Variants in AATK observed in about 807,000 individuals in gnomAD.
AATK encodes lemur tail kinase 1.
A neutral mutation model predicts 114.3 loss-of-function variants in AATK; 91 were observed. That is an observed-to-expected ratio of 0.80 (90% CI 0.67 to 0.95). The LOEUF (loss-of-function observed/expected upper bound fraction) is 0.95. AATK is among the 40% of genes least tolerant of loss of function. The pLI is 0.00. For missense variants in AATK, 2,176 were observed against 1,965.2 expected (o/e 1.11, Z -2.03); for synonymous variants, 1,075 against 916.5 (o/e 1.17, Z -3.12).
chr17:81,138,575 C>G (rs937240003), intron 1 of AATK, among the ~76,000 whole-genome samples: 5 of 149,928 alleles, frequency 3.3e-5, no homozygotes, highest in African/African-American at 1.2e-4. Flanking sequence ...CCCCCACACG[C>G]ACATACCCAC....
intron 1 of AATK, among the ~76,000 whole-genome samples, chr17:81,145,058 C>A (rs531219037): frequency 6.6e-6 from 1 of 152,120 alleles, no homozygotes; most frequent in East Asian, 1.9e-4. Flanking sequence ...CATGGTGAAA[C>A]TCCGCCTCTA....
chr17:81,118,919 G>A (rs1823449044), intron 13 of AATK, among the ~76,000 whole-genome samples: 1 of 152,252 alleles, frequency 6.6e-6, no homozygotes, highest in African/African-American at 2.4e-5. Flanking sequence ...ACCTGGCAGA[G>A]ATGAGCCCAG....
At chr17:81,128,049 G>T in intron 4 of AATK, 139 bp from the exon 5 acceptor site, 1 of 1,059,922 alleles carries the variant, frequency 9.4e-7, no homozygotes, top group Non-Finnish European at 1.3e-6. Flanking sequence ...ACTCATTGCA[G>T]CGTGAGGTAT....
intron 3 of AATK, chr17:81,128,983 G>C: frequency 4.0e-6 from 4 of 990,102 alleles, no homozygotes; most frequent in Non-Finnish European, 2.5e-6. Flanking sequence ...CGCACCAAAG[G>C]CTCCTTTGTT....
At chr17:81,119,740 A>G (rs985365347) in intron 12 of AATK, among the ~76,000 whole-genome samples, 160 bp from the exon 13 acceptor site, 1 of 134,724 alleles carries the variant, frequency 7.4e-6, no homozygotes, top group Non-Finnish European at 1.6e-5. Flanking sequence ...CCCATGCAGC[A>G]CGGACAAGGC....
chr17:81,134,557 G>A, intron 1 of AATK, 56 bp from the exon 2 acceptor site: 1 of 1,573,148 alleles, frequency 6.4e-7, no homozygotes, highest in Non-Finnish European at 8.6e-7. Context: ...CCAGGCCCCT[G>A]CCCCTGCTCT....
chr17:81,137,839 A>G (rs976652567), intron 1 of AATK, among the ~76,000 whole-genome samples: 1 of 151,924 alleles, frequency 6.6e-6, no homozygotes, highest in Non-Finnish European at 1.5e-5. Flanking sequence ...ACACACACAT[A>G]TGCATGTGTA....
In AATK at chr17:81,163,221, C is replaced by T. The variant is rs150576823; in HGVS notation, c.55+2717G>A. On this transcript the variant is annotated intron_variant, in intron 1 of 13. Transcript: ENST00000326724. ...TCCAGCCTAGGACAGCTCCAGGCCC[C>T]AGGGCTCAGGACGACTAGAAATCAT... 4.9e-4 allele frequency among the ~76,000 whole-genome samples: 74 copies of T among 152,336 alleles called. 1 individual carries two copies. The highest frequency in any genetic ancestry group is 1.4e-3 in the African/African-American group (60 of 41,574).
At position 81,121,831 on chromosome 17, in the gene AATK, C is replaced by A; in HGVS notation, c.2105G>T (p.Gly702Val). Residue 702 changes from glycine to valine, a missense_variant, in exon 11 of 14, where the codon GGC (glycine) becomes GTC (valine). Gly to Val is a moderately radical substitution (Grantham distance 109, BLOSUM62 -3). Transcript: ENST00000326724. ...ACTGGGGCAGCCCTCAGCGTGGCCGCCCGCAGAGACGGGGTCCCAGGACTC... is the reference window on the plus strand; with the variant it reads ...ACTGGGGCAGCCCTCAGCGTGGCCGACCGCAGAGACGGGGTCCCAGGACTC... ...CPESWDPVSA[G>V]GHAEGCPSPK... is the part of the protein sequence containing the mutation. 1 of 1,591,598 alleles carries A rather than the reference C, an allele frequency of 6.3e-7. No homozygotes were observed. Among genetic ancestry groups the A allele is most frequent in the African/African-American group, 1.3e-5 (1 of 74,826 alleles).
intron 1 of AATK, among the ~76,000 whole-genome samples, chr17:81,158,706 G>A (rs1178084897): frequency 2.0e-5 from 3 of 152,230 alleles, no homozygotes; most frequent in Admixed American, 6.5e-5. Context: ...AGCTGGGCAG[G>A]ACCTGGAAAG....
chr17:81,138,558 A>G (rs1457547884), intron 1 of AATK, among the ~76,000 whole-genome samples: 1 of 146,094 alleles, frequency 6.8e-6, no homozygotes, highest in South Asian at 2.2e-4. Context: ...ACACACGTGC[A>G]CACATACCCC....
chr17:81,151,417 G>GA (rs1418781026), intron 1 of AATK, among the ~76,000 whole-genome samples: 8 of 60,796 alleles, frequency 1.3e-4, no homozygotes, highest in African/African-American at 3.2e-4. Context: ...TGGGGCTGGG[G>GA]GGACCGTGGC....
At chr17:81,120,167 A>AGCCCCGGGCAG in intron 11 of AATK, 34 bp downstream of exon 11, 1 of 1,534,054 alleles carries the variant, frequency 6.5e-7, no homozygotes, top group East Asian at 2.3e-5. Context: ...CGCGACCCCC[A>AGCCCCGGGCAG]GCCCCGGGCA....
chr17:81,126,755 C>A lies in AATK; in HGVS notation c.622-195G>T. On this transcript the variant is annotated intron_variant, in intron 6 of 13. Transcript: ENST00000326724. The surrounding 1 kb of genome is among the most constrained non-coding windows in gnomAD (Gnocchi z 5.1). ...GGGGGCCGTGTCCCCCAGGGCTGGG[C>A]TGGACTGAAGGCTTCCTCTCCACTG... 7 of 1,407,616 alleles carry A rather than the reference C, an allele frequency of 5.0e-6. No homozygotes were observed. The highest frequency in any genetic ancestry group is 2.6e-5 in the East Asian group (1 of 39,164). 87.2% of individuals were successfully genotyped at this position (1,407,616 alleles called of 1,614,324 possible). A position where few individuals can be genotyped will look rare whatever the true frequency, so the allele number is the denominator to read the frequency against.
rs779986234 is a variant in AATK, at chr17:81,121,966, G to C, written c.1970C>G (p.Pro657Arg). 6 of 1,599,690 alleles carry C rather than the reference G, an allele frequency of 3.8e-6. No individual in the cohort carries two copies. The highest frequency in any genetic ancestry group is 1.3e-5 in the African/African-American group (1 of 74,844). The change falls in exon 11 of 14, where the codon CCG becomes CGG. Residue 657 changes from proline to arginine, a missense_variant. This residue lies in a region of AATK where 1,701 missense variants were observed against 1,394.7 expected (regional missense o/e 1.22). Coordinates refer to ENST00000326724, the MANE Select transcript of AATK (RefSeq NM_001080395.3). ...CTCTAGCTCATCCTCGCCAGTCAGC[G>C]GCAGCGGGGGCGCCCCTGAGCTCCC... ...PLGSSGAPPL[P>R]LTGEDELEEV...
chr17:81,154,145 G>C (rs1369741270), intron 1 of AATK, among the ~76,000 whole-genome samples: 1 of 152,044 alleles, frequency 6.6e-6, no homozygotes, highest in Non-Finnish European at 1.5e-5. Flanking sequence ...TCTCCAAGGA[G>C]AGCCACAGCC....
Position 81,121,242 on chromosome 17 carries a change from C to G in AATK, c.2694G>C (p.Gly898=), listed in dbSNP as rs765273497. The change falls in exon 11 of 14, where the codon GGG becomes GGC. Residue 898 remains glycine (G), a synonymous_variant. Coordinates refer to ENST00000326724, the MANE Select transcript of AATK (RefSeq NM_001080395.3). ...CCAGGGAGTCCAGGGAGTCGGGGGT[C>G]CCCACCTGCTTCTGCAGAGAGCGGA... is the stretch of plus-strand genomic sequence containing the variant. ...PAFRSLQKQV[G]TPDSLDSLDI... 6 of 1,607,742 alleles carry G rather than the reference C, an allele frequency of 3.7e-6. No homozygotes were observed.
At chr17:81,129,084 T>A (rs1598926091) in intron 3 of AATK, among the ~76,000 whole-genome samples, 1 of 152,152 alleles carries the variant, frequency 6.6e-6, no homozygotes, top group East Asian at 1.9e-4. Flanking sequence ...GAAGGGTCAG[T>A]GAGGCCCGGG....
intron 1 of AATK, among the ~76,000 whole-genome samples, chr17:81,152,201 C>T (rs140241575): frequency 2.0e-5 from 3 of 152,258 alleles, no homozygotes; most frequent in Non-Finnish European, 4.4e-5. Flanking sequence ...TCGTTTGAAC[C>T]CAGGAGGCAG....
Sources: gnomAD v4.1 joint callset for allele counts (sites outside exome capture counted in the v4.1 genomes callset) on GRCh38, gnomAD v4.1.1 for gene constraint, gnomAD v4.1.1 regional missense constraint, Gnocchi (gnomAD v3.1) non-coding constraint, MANE v1.5 for transcripts, NCBI Gene and HGNC (gene_info 2026-07-23, HGNC 2026-07-21) for gene names.